The following CDYL variants were observed in gnomAD, a reference collection of about 807,000 sequenced individuals.
The protein encoded by CDYL is chromodomain Y-like protein.
A neutral mutation model predicts 47.3 loss-of-function variants in CDYL; 8 were observed. That is an observed-to-expected ratio of 0.17 (90% CI 0.10 to 0.31). CDYL has a LOEUF of 0.31. Among genes scored for constraint, CDYL ranks in the 10% least tolerant of loss-of-function variants. The probability of loss-of-function intolerance (pLI) is 1.00; values close to 1 mark genes in which losing one functional copy is unlikely to be tolerated. For synonymous variants in CDYL, 266 were observed against 265.0 expected, an observed-to-expected ratio of 1.00 and a Z score of -0.04; for missense variants, 471 against 701.4, an observed-to-expected ratio of 0.67 and a Z score of 3.71.
chr6:4,793,559 C>T (rs1342346333), intron 1 of CDYL, among the ~76,000 whole-genome samples: 1 of 151,982 alleles, frequency 6.6e-6, no homozygotes, highest in African/African-American at 2.4e-5. Context: ...AGATGGGAAG[C>T]CATGAAGGAA....
intron 1 of CDYL, among the ~76,000 whole-genome samples, chr6:4,777,315 C>T (rs1468436398): frequency 6.6e-6 from 1 of 152,226 alleles, no homozygotes; most frequent in Non-Finnish European, 1.5e-5. Context: ...AAATGCTAAA[C>T]GTTGACCACA....
At chr6:4,839,177 ATGT>A (rs1226680663) in intron 1 of CDYL, among the ~76,000 whole-genome samples, 1 of 152,178 alleles carries the variant, frequency 6.6e-6, no homozygotes, top group Admixed American at 6.5e-5. Context: ...ATCATTAGTG[ATGT>A]TGAGCATTTT....
chr6:4,775,075 GGAA>G (rs2127426795), upstream of CDYL, among the ~76,000 whole-genome samples: 1 of 152,292 alleles, frequency 6.6e-6, no homozygotes, highest in East Asian at 1.9e-4. The surrounding 1 kb of genome is among the most constrained non-coding windows in gnomAD (Gnocchi z 7.0). Context: ...TAGGGCTTTA[GGAA>G]GAAAACTGGT....
chr6:4,934,379 C>G (rs1199122559), intron 2 of CDYL, among the ~76,000 whole-genome samples: 1 of 151,784 alleles, frequency 6.6e-6, no homozygotes, highest in Non-Finnish European at 1.5e-5. Context: ...TTATTTCCAC[C>G]AGTTGAATGA....
At chr6:4,950,041 C>T (rs812134) in intron 5 of CDYL, among the ~76,000 whole-genome samples, 76,218 of 151,994 alleles carry the variant, frequency 0.5, 21,056 homozygotes, top group East Asian at 0.71. Context: ...GAAGACCGGC[C>T]GCAATGAGTG....
intron 1 of CDYL, among the ~76,000 whole-genome samples, chr6:4,799,571 A>G (rs1426722772): frequency 3.9e-5 from 6 of 151,976 alleles, no homozygotes; most frequent in Non-Finnish European, 8.8e-5. Flanking sequence ...TCAGCCTCCC[A>G]AGTAGCTGGG....
intron 1 of CDYL, among the ~76,000 whole-genome samples, chr6:4,891,018 C>T (rs566617101): frequency 6.6e-6 from 1 of 152,304 alleles, no homozygotes; most frequent in Admixed American, 6.5e-5. Context: ...AACGTGCTTA[C>T]AAGGCAGGGT....
chr6:4,766,695 A>G (rs1270520221), intron 3 of CDYL, among the ~76,000 whole-genome samples: 5 of 152,126 alleles, frequency 3.3e-5, no homozygotes, highest in Non-Finnish European at 7.4e-5. Flanking sequence ...TGAGATCTCC[A>G]TAACCTTGAT....
At chr6:4,835,872 C>A (rs554284349) in intron 1 of CDYL, among the ~76,000 whole-genome samples, 35 of 152,328 alleles carry the variant, frequency 2.3e-4, no homozygotes, top group Non-Finnish European at 4.0e-4. Context: ...GGGCGCAGGA[C>A]CCTCCGAGCC....
chr6:4,863,662 A>G (rs1055531908), intron 1 of CDYL, among the ~76,000 whole-genome samples: 5 of 152,218 alleles, frequency 3.3e-5, no homozygotes, highest in Non-Finnish European at 7.3e-5. Context: ...TTTGTTCTAC[A>G]AGCATGTTTA....
At chr6:4,836,669 A>G (rs988499984) in intron 1 of CDYL, among the ~76,000 whole-genome samples, 4 of 152,206 alleles carry the variant, frequency 2.6e-5, no homozygotes, top group African/African-American at 4.8e-5. Flanking sequence ...AGCAAGGAAA[A>G]ATGTGCAAAG....
Position 4,780,558 on chromosome 6 carries a change from T to G in CDYL, c.24+3751T>G, listed in dbSNP as rs375344154. 3.5e-4 allele frequency among the ~76,000 whole-genome samples: 54 copies of G among 152,118 alleles called. No individual in the cohort carries two copies. In the East Asian group the frequency reaches 7.5e-3, roughly 21 times the overall value. The stretch of plus-strand genomic sequence containing the variant: ...TGCTGGGATTACAGGCATGAGTCAC[T>G]GCACCCGGCCTTCCCTTGTTCTTAG... On this transcript the variant is annotated intron_variant, in intron 1 of 6. Transcript: ENST00000397588.
chr6:4,774,476 G>C (rs1334380542), upstream of CDYL: 1 of 152,262 alleles, frequency 6.6e-6, no homozygotes, highest in Admixed American at 6.5e-5. Flanking sequence ...TTGGAGGAGG[G>C]AGAGGGAATT....
intron 1 of CDYL, among the ~76,000 whole-genome samples, chr6:4,816,251 T>TG (rs1163715381): frequency 6.8e-6 from 1 of 146,216 alleles, no homozygotes; most frequent in Non-Finnish European, 1.5e-5. Context: ...CTCGCGTCCC[T>TG]GTTTTTTTTT....
chr6:4,774,558 G>A (rs757900234), upstream of CDYL: 1 of 152,248 alleles, frequency 6.6e-6, no homozygotes, highest in Non-Finnish European at 1.5e-5. Context: ...GCTTTAATTT[G>A]CGATTCTTGT....
At chr6:4,728,753 C>T (rs1757556116) in intron 2 of CDYL, among the ~76,000 whole-genome samples, 1 of 152,174 alleles carries the variant, frequency 6.6e-6, no homozygotes, top group Non-Finnish European at 1.5e-5. Context: ...CAGAAAGTGT[C>T]ATCCTTCAAA....
chr6:4,772,297 A>C (rs1347411225), upstream of CDYL, among the ~76,000 whole-genome samples: 4 of 152,210 alleles, frequency 2.6e-5, no homozygotes, highest in African/African-American at 4.8e-5. Context: ...ACTGGCTTCT[A>C]TATGAAAGAG....
chr6:4,798,619 A>G (rs114957415), intron 1 of CDYL, among the ~76,000 whole-genome samples: 1,558 of 152,304 alleles, frequency 0.01, 15 homozygotes, highest in African/African-American at 0.036. Context: ...AATTGTGTCT[A>G]TCTTCATAAG....
At chr6:4,785,019 T>A (rs1758717338) in intron 1 of CDYL, among the ~76,000 whole-genome samples, 2 of 152,354 alleles carry the variant, frequency 1.3e-5, no homozygotes. Flanking sequence ...TAAACTCGTT[T>A]CCTTTATAAA....
Sources: gnomAD v4.1 joint callset for allele counts (sites outside exome capture counted in the v4.1 genomes callset) on GRCh38, gnomAD v4.1.1 for gene constraint, Gnocchi (gnomAD v3.1) non-coding constraint, MANE v1.5 for transcripts, NCBI Gene and HGNC (gene_info 2026-07-23, HGNC 2026-07-21) for gene names.